The following KMT2C variants were observed in gnomAD, a reference collection of about 807,000 sequenced individuals.
KMT2C encodes histone-lysine N-methyltransferase 2C.
Under a neutral mutation model 507.9 loss-of-function variants are expected in KMT2C, and 88 were observed. That is an observed-to-expected ratio of 0.17 (90% CI 0.15 to 0.21). KMT2C has a LOEUF of 0.21. KMT2C is among the 10% of genes least tolerant of loss of function. The pLI is 1.00. For synonymous variants in KMT2C, 2,049 were observed against 2,080.8 expected (o/e 0.98, Z 0.42); for missense variants, 4,954 against 5,957.8 (o/e 0.83, Z 5.55).
At chr7:152,290,294 ATTTTTTTTTTTTTTTT>A (rs869073980) in intron 6 of KMT2C, among the ~76,000 whole-genome samples, 12 of 21,416 alleles carry the variant, frequency 5.6e-4, no homozygotes, top group African/African-American at 2.0e-3. Context: ...ATATATATAT[ATTTTTTTTTTTTTTTT>A]TTTTTTTTTT....
At chr7:152,265,453 A>G (rs1179714630) in intron 7 of KMT2C, among the ~76,000 whole-genome samples, 1 of 152,200 alleles carries the variant, frequency 6.6e-6, no homozygotes, top group East Asian at 1.9e-4. Context: ...TATCTACTTG[A>G]GACCATAAGC....
chr7:152,181,359 C>A lies in KMT2C; in HGVS notation c.6501G>T (p.Arg2167=). The A allele has an allele frequency of 1.2e-6, 2 of 1,613,712 alleles. No individual in the cohort carries two copies. The highest frequency in any genetic ancestry group is 1.7e-6 in the Non-Finnish European group (2 of 1,179,946). Residue 2167 remains arginine, a synonymous_variant, in exon 36 of 59, where the codon CGG becomes CGT. Transcript: ENST00000262189. The part of the protein sequence containing the change: ...DPYSQPPGTP[R]PTTVDPYSQQ... The stretch of plus-strand genomic sequence containing the variant: ...GACTATATGGGTCAACAGTAGTAGG[C>A]CGGGGAGTTCCAGGAGGTTGAGAGT...
intron 34 of KMT2C, among the ~76,000 whole-genome samples, chr7:152,183,661 C>T (rs2093510477): frequency 6.6e-6 from 1 of 152,150 alleles, no homozygotes; most frequent in Non-Finnish European, 1.5e-5. Flanking sequence ...CTTTGGGAGG[C>T]TGAGGCGGGT....
intron 14 of KMT2C, among the ~76,000 whole-genome samples, chr7:152,244,951 A>AGTG (rs2095445448): frequency 6.6e-6 from 1 of 152,250 alleles, no homozygotes; most frequent in African/African-American, 2.4e-5. Flanking sequence ...CTTAAAGGAA[A>AGTG]ATAATTCTAT....
At chr7:152,333,511 A>G (rs756829660) in intron 2 of KMT2C, among the ~76,000 whole-genome samples, 3 of 152,262 alleles carry the variant, frequency 2.0e-5, no homozygotes, top group Non-Finnish European at 4.4e-5. Flanking sequence ...CATCTCTAGC[A>G]CTAACTCCTC....
At chr7:152,312,561 A>G (rs1177002255) in intron 4 of KMT2C, among the ~76,000 whole-genome samples, 2 of 152,176 alleles carry the variant, frequency 1.3e-5, no homozygotes, top group East Asian at 1.9e-4. Flanking sequence ...TCAAGACTGT[A>G]TGTCACAAAT....
In KMT2C at chr7:152,139,670, C is replaced by T. The variant is rs775549635; in HGVS notation, c.14460+5G>A. 6.3e-7 allele frequency: 1 copy of T among 1,590,216 alleles called. No homozygotes were observed. Among genetic ancestry groups the T allele is most frequent in the Non-Finnish European group, 8.6e-7 (1 of 1,158,258 alleles). On this transcript the variant is annotated splice_donor_5th_base_variant and intron_variant, in intron 56 of 58. Transcript: ENST00000262189. ...TGTATACAATCTCGGGGACCAGACA[C>T]CTACCTGAGACTCATAAAGCTTCTC...
chr7:152,388,078 GA>G (rs909291426), intron 1 of KMT2C, among the ~76,000 whole-genome samples: 2 of 135,580 alleles, frequency 1.5e-5, no homozygotes, highest in African/African-American at 5.4e-5. Context: ...AGGCTGGGGG[GA>G]AAAAATGTAA....
intron 7 of KMT2C, among the ~76,000 whole-genome samples, chr7:152,267,850 C>G (rs1225000756): frequency 6.6e-6 from 1 of 152,184 alleles, no homozygotes; most frequent in Non-Finnish European, 1.5e-5. Flanking sequence ...AATCTCAGAA[C>G]CACTCACTAT....
At chr7:152,278,550 C>T (rs2096133361) in intron 6 of KMT2C, among the ~76,000 whole-genome samples, 1 of 152,256 alleles carries the variant, frequency 6.6e-6, no homozygotes, top group Non-Finnish European at 1.5e-5. Context: ...TTTTTGTTAT[C>T]AATTACCCAG....
chr7:152,405,069 C>G (rs2097599579), intron 1 of KMT2C, among the ~76,000 whole-genome samples: 2 of 151,840 alleles, frequency 1.3e-5, no homozygotes, highest in African/African-American at 4.9e-5. Context: ...CAGCTGGTCT[C>G]AAACTCCTGA....
intron 1 of KMT2C, among the ~76,000 whole-genome samples, chr7:152,360,864 A>T (rs2097191356): frequency 6.6e-6 from 1 of 151,974 alleles, no homozygotes; most frequent in African/African-American, 2.4e-5. Context: ...AGAAAAAAAA[A>T]TTGAAGTAAT....
rs1015829072 is a variant in KMT2C at position 152,297,083 on chromosome 7, G to A, written c.849+12883C>T. Among the ~76,000 whole-genome samples, 75 of 146,058 alleles carry A rather than the reference G, an allele frequency of 5.1e-4. 3 individuals are homozygous for A. The highest frequency in any genetic ancestry group is 2.6e-3 in the Admixed American group (38 of 14,846). Reference sequence around the variant, plus strand: ...AGAGAGAGAGAGAGAGAGAGAGAGAGAGAGAGAGAGAAAGAAAGAAAGACG... The same window carrying A: ...AGAGAGAGAGAGAGAGAGAGAGAGAAAGAGAGAGAGAAAGAAAGAAAGACG... On this transcript the variant is annotated intron_variant, in intron 6 of 58. Coordinates refer to ENST00000262189, the MANE Select transcript of KMT2C (RefSeq NM_170606.3).
rs186401892 is a variant in KMT2C at position 152,259,097 on chromosome 7, G to A, written c.1299+3919C>T. ...TATAAGGGGATATCAAAGACAAAAT[G>A]GGGAAATTTGTTTGAAAAAAAGAAA... On this transcript the variant is annotated intron_variant, in intron 9 of 58. Coordinates refer to ENST00000262189, the MANE Select transcript of KMT2C (RefSeq NM_170606.3). Among the ~76,000 whole-genome samples the A allele has an allele frequency of 2.5e-3, 380 of 152,112 alleles. 3 individuals carry two copies. Among genetic ancestry groups the A allele is most frequent in the Admixed American group, 0.015 (236 of 15,262 alleles).
chr7:152,272,598 A>G, intron 7 of KMT2C, among the ~76,000 whole-genome samples: 1 of 152,232 alleles, frequency 6.6e-6, no homozygotes, highest in East Asian at 1.9e-4. Context: ...TCCAGATTGA[A>G]GAGTGTACAA....
chr7:152,378,074 G>C lies in KMT2C; in HGVS notation c.162-19399C>G, dbSNP rs2097342901. On this transcript the variant is annotated intron_variant, in intron 1 of 58. Coordinates refer to ENST00000262189, the MANE Select transcript of KMT2C (RefSeq NM_170606.3). ...TGTTCCTTACAGATGAGCCAAGAAA[G>C]TGGTTTCTTAAAGATGGAATCTACT... Among the ~76,000 whole-genome samples the C allele has an allele frequency of 1.3e-5, 2 of 152,182 alleles. 1 individual carries two copies. The highest frequency in any genetic ancestry group is 4.1e-4 in the South Asian group (2 of 4,822).
rs751733368 is a variant in KMT2C at position 152,199,343 on chromosome 7, G to A, written c.4209C>T (p.Phe1403=). The A allele has an allele frequency of 6.2e-7, 1 of 1,605,032 alleles. No individual in the cohort carries two copies. Residue 1403 remains phenylalanine (F), a synonymous_variant, in exon 27 of 59, where the codon TTC becomes TTT. Transcript: ENST00000262189. ...GTAGTGGATCTAAGGAAGGATCCAA[G>A]AAACCTGTGTTCATGTTTGTTTTAT... ...LLYKTNMNTG[F]LDPSLDPLLS...
intron 1 of KMT2C, among the ~76,000 whole-genome samples, chr7:152,429,753 T>C (rs2097849994): frequency 6.6e-6 from 1 of 151,628 alleles, no homozygotes; most frequent in African/African-American, 2.4e-5. Context: ...ACTCCTGACC[T>C]TGTGATCCGC....
intron 6 of KMT2C, among the ~76,000 whole-genome samples, chr7:152,290,236 G>GTGTGTGTGTA (rs1405999936): frequency 1.6e-3 from 162 of 100,826 alleles, no homozygotes; most frequent in African/African-American, 7.2e-3. Flanking sequence ...GTGTGTGTGT[G>GTGTGTGTGTA]TGTGTGTGTG....
Sources: gnomAD v4.1 joint callset for allele counts (sites outside exome capture counted in the v4.1 genomes callset) on GRCh38, gnomAD v4.1.1 for gene constraint, MANE v1.5 for transcripts, NCBI Gene and HGNC (gene_info 2026-07-23, HGNC 2026-07-21) for gene names.